The following MSI2 variants were observed in gnomAD, a reference collection of about 807,000 sequenced individuals.
The protein encoded by MSI2 is musashi RNA binding protein 2, also known as RNA-binding protein Musashi homolog 2.
In MSI2, 17 loss-of-function variants were observed where a neutral mutation model predicts 45.6. The ratio of observed to expected loss-of-function variants is 0.37; its 90% CI spans 0.26 to 0.56. MSI2 has a LOEUF of 0.56. Ranked by LOEUF, MSI2 falls within the 20% of genes least tolerant of loss-of-function variation. MSI2 has a pLI of 0.77. For missense variants in MSI2, 293 were observed against 444.2 expected (o/e 0.66, Z 3.06); for synonymous variants, 156 against 158.2 (o/e 0.99, Z 0.11).
chr17:57,352,093 C>T (rs529218644), intron 5 of MSI2, among the ~76,000 whole-genome samples: 14 of 152,312 alleles, frequency 9.2e-5, no homozygotes, highest in African/African-American at 3.4e-4. Flanking sequence ...GCAGGAAAGT[C>T]GGCCTTTCCT....
intron 7 of MSI2, among the ~76,000 whole-genome samples, chr17:57,556,507 A>G (rs951161636): frequency 6.6e-6 from 1 of 152,236 alleles, no homozygotes; most frequent in African/African-American, 2.4e-5. Flanking sequence ...CTGTGCTGCC[A>G]TCAGTCTTTG....
intron 5 of MSI2, among the ~76,000 whole-genome samples, chr17:57,355,634 T>G (rs567740956): frequency 4.7e-4 from 72 of 152,322 alleles, no homozygotes; most frequent in African/African-American, 1.7e-3. Context: ...CATGACCACA[T>G]GATTCTTTTG....
chr17:57,516,796 C>T lies in MSI2; in HGVS notation c.406-12880C>T, dbSNP rs142590460. ...TTGGAAAGCCATGCCCAAGATCATGCGTAAGTGGAAATGGAGTGGGATTTG... is the reference window on the plus strand; with the variant it reads ...TTGGAAAGCCATGCCCAAGATCATGTGTAAGTGGAAATGGAGTGGGATTTG... On this transcript the variant is annotated intron_variant, in intron 6 of 13. Coordinates refer to ENST00000284073, the MANE Select transcript of MSI2 (RefSeq NM_138962.4). Among the ~76,000 whole-genome samples, 962 of 152,272 alleles carry T rather than the reference C, an allele frequency of 6.3e-3. 9 individuals are homozygous for T. Among genetic ancestry groups the T allele is most frequent in the African/African-American group, 0.022 (903 of 41,534 alleles).
intron 7 of MSI2, among the ~76,000 whole-genome samples, chr17:57,580,585 G>A (rs1383272543): frequency 1.3e-5 from 2 of 152,182 alleles, no homozygotes; most frequent in Non-Finnish European, 2.9e-5. Flanking sequence ...AAAATTGGGA[G>A]TGCCACCATC....
chr17:57,527,466 G>GT (rs1381101126), intron 6 of MSI2, among the ~76,000 whole-genome samples: 93 of 144,606 alleles, frequency 6.4e-4, no homozygotes, highest in South Asian at 1.6e-3. Flanking sequence ...GTTACCGTCG[G>GT]CGGGGGCTCT....
intron 5 of MSI2, among the ~76,000 whole-genome samples, chr17:57,343,713 G>A (rs1915364446): frequency 6.6e-6 from 1 of 152,156 alleles, no homozygotes; most frequent in African/African-American, 2.4e-5. Flanking sequence ...TACAATGGAG[G>A]ATCAGGTATA....
At chr17:57,319,592 C>A (rs1435807901) in intron 5 of MSI2, among the ~76,000 whole-genome samples, 1 of 152,098 alleles carries the variant, frequency 6.6e-6, no homozygotes, top group African/African-American at 2.4e-5. Context: ...CTCAATTAAT[C>A]CTGAACAAAA....
intron 9 of MSI2, chr17:57,626,263 T>G (rs1804736056): frequency 1.3e-5 from 2 of 152,016 alleles, no homozygotes; most frequent in African/African-American, 4.8e-5. Context: ...GTACTGAGGT[T>G]ACATATACAC....
intron 5 of MSI2, among the ~76,000 whole-genome samples, chr17:57,380,019 A>G (rs2083571725): frequency 6.6e-6 from 1 of 152,078 alleles, no homozygotes; most frequent in African/African-American, 2.4e-5. Flanking sequence ...GGCCTAGCAT[A>G]TTGGGTATTG....
chr17:57,342,520 A>G (rs1567768761), intron 5 of MSI2, among the ~76,000 whole-genome samples: 3 of 152,224 alleles, frequency 2.0e-5, no homozygotes, highest in South Asian at 2.1e-4. Flanking sequence ...CCTCTTGTTC[A>G]GAGGAAAGTC....
intron 7 of MSI2, among the ~76,000 whole-genome samples, chr17:57,547,030 G>C (rs1346765148): frequency 6.6e-6 from 1 of 152,342 alleles, no homozygotes; most frequent in South Asian, 2.1e-4. Flanking sequence ...GGCCTACTCT[G>C]TTTAGGTGGG....
At chr17:57,499,301 T>C (rs888001592) in intron 6 of MSI2, among the ~76,000 whole-genome samples, 3 of 146,714 alleles carry the variant, frequency 2.0e-5, no homozygotes, top group Non-Finnish European at 3.0e-5. Context: ...GCTTGAACCC[T>C]GGAGGTGGTG....
At chr17:57,678,314 C>T (rs1913377893) in intron 13 of MSI2, among the ~76,000 whole-genome samples, 1 of 152,230 alleles carries the variant, frequency 6.6e-6, no homozygotes, top group Non-Finnish European at 1.5e-5. Context: ...GCCTCCACTT[C>T]CCCTTGAGCA....
At chr17:57,595,780 G>A (rs903910423) in intron 7 of MSI2, among the ~76,000 whole-genome samples, 10 of 152,196 alleles carry the variant, frequency 6.6e-5, no homozygotes, top group Non-Finnish European at 1.3e-4. Context: ...GCAGCAGACA[G>A]CCTTGTGAAT....
chr17:57,546,501 C>G (rs1403014335), intron 7 of MSI2, among the ~76,000 whole-genome samples: 1 of 152,054 alleles, frequency 6.6e-6, no homozygotes, highest in African/African-American at 2.4e-5. Flanking sequence ...AAAAATACAC[C>G]AGAAAAATAG....
chr17:57,362,827 C>T (rs944572486), intron 5 of MSI2, among the ~76,000 whole-genome samples: 2 of 152,026 alleles, frequency 1.3e-5, no homozygotes, highest in African/African-American at 2.4e-5. Flanking sequence ...TCAGGAGATG[C>T]GATGTTCAAC....
At chr17:57,439,787 A>G (rs1453271544) in intron 6 of MSI2, among the ~76,000 whole-genome samples, 1 of 152,162 alleles carries the variant, frequency 6.6e-6, no homozygotes, top group Non-Finnish European at 1.5e-5. Flanking sequence ...ACTTTGGACT[A>G]TTTCCTAAGA....
intron 5 of MSI2, among the ~76,000 whole-genome samples, chr17:57,376,507 G>T (rs184734169): frequency 7.2e-4 from 110 of 152,322 alleles, no homozygotes; most frequent in African/African-American, 2.3e-3. Flanking sequence ...AGCACGGCAG[G>T]TGAGACCCTG....
chr17:57,647,468 G>A (rs1910766308), intron 10 of MSI2, among the ~76,000 whole-genome samples: 1 of 148,122 alleles, frequency 6.8e-6, no homozygotes, highest in East Asian at 2.0e-4. Context: ...AAAAAGTAAA[G>A]GAAAAAGAAA....
Sources: allele counts gnomAD v4.1 joint callset (sites outside exome capture counted in the v4.1 genomes callset), GRCh38; gene constraint gnomAD v4.1.1; transcripts MANE v1.5; gene names NCBI Gene and HGNC (gene_info 2026-07-23, HGNC 2026-07-21).